HIVEP3: variants seen among roughly 807,000 people sequenced by gnomAD.
The protein encoded by HIVEP3 is HIVEP zinc finger 3, also known as transcription factor HIVEP3.
In HIVEP3, 49 loss-of-function variants were observed where a neutral mutation model predicts 152.8. That is an observed-to-expected ratio of 0.32 (90% CI 0.26 to 0.41). HIVEP3 has a LOEUF of 0.41. HIVEP3 is among the 10% of genes least tolerant of loss of function. The pLI is 1.00. For synonymous variants in HIVEP3, 1,269 were observed against 1,289.0 expected, an observed-to-expected ratio of 0.98 and a Z score of 0.33; for missense variants, 2,790 against 3,103.3, an observed-to-expected ratio of 0.90 and a Z score of 2.40.
At chr1:41,516,121 G>A (rs1255278927) in intron 7 of HIVEP3, among the ~76,000 whole-genome samples, 2 of 138,712 alleles carry the variant, frequency 1.4e-5, no homozygotes, top group Admixed American at 1.4e-4. Flanking sequence ...CCCAGCTCGG[G>A]GCTGGCCGGG....
intron 1 of HIVEP3, among the ~76,000 whole-genome samples, chr1:41,977,593 C>G (rs1460809146): frequency 6.6e-6 from 1 of 152,198 alleles, no homozygotes; most frequent in African/African-American, 2.4e-5. Flanking sequence ...CTAGGAAGTT[C>G]AGAAAATGTC....
chr1:41,617,320 A>G (rs1183300505), intron 3 of HIVEP3, among the ~76,000 whole-genome samples: 2 of 152,210 alleles, frequency 1.3e-5, no homozygotes, highest in African/African-American at 4.8e-5. Flanking sequence ...TGGTTAAAAT[A>G]CCTATGGGGC....
chr1:41,777,271 C>A (rs920630746), intron 1 of HIVEP3, among the ~76,000 whole-genome samples: 2 of 152,220 alleles, frequency 1.3e-5, no homozygotes, highest in African/African-American at 4.8e-5. Flanking sequence ...CCCGTGACTA[C>A]CCAGGAACAA....
chr1:41,952,252 C>G (rs1645112882), intron 1 of HIVEP3, among the ~76,000 whole-genome samples: 1 of 152,222 alleles, frequency 6.6e-6, no homozygotes, highest in African/African-American at 2.4e-5. Context: ...CTTCTCACTT[C>G]ATGAATTTCC....
At chr1:41,719,201 C>T (rs1646641674) in intron 1 of HIVEP3, among the ~76,000 whole-genome samples, 1 of 152,104 alleles carries the variant, frequency 6.6e-6, no homozygotes, top group African/African-American at 2.4e-5. Context: ...GAGGATTTGA[C>T]CATATAATTT....
chr1:41,973,439 T>C (rs147223118), intron 1 of HIVEP3, among the ~76,000 whole-genome samples: 37 of 152,322 alleles, frequency 2.4e-4, no homozygotes, highest in Middle Eastern at 3.4e-3. Context: ...TCAGCACTCA[T>C]AGGCTGTTGG....
intron 1 of HIVEP3, among the ~76,000 whole-genome samples, chr1:41,929,726 T>TATATATATATATATATATA (rs1553135852): frequency 0.029 from 3,274 of 112,166 alleles, 321 homozygotes; most frequent in African/African-American, 0.052. Context: ...ATATGTGTTT[T>TATATATATATATATATATA]TATATATATA....
At chr1:41,546,425 T>A (rs1483603126) in intron 5 of HIVEP3, among the ~76,000 whole-genome samples, 1 of 151,976 alleles carries the variant, frequency 6.6e-6, no homozygotes, top group Non-Finnish European at 1.5e-5. Flanking sequence ...CAGAGAAGGG[T>A]TCCCGAGACA....
At chr1:41,922,544 AT>A (rs1486614549), upstream of HIVEP3, among the ~76,000 whole-genome samples, 1 of 152,202 alleles carries the variant, frequency 6.6e-6, no homozygotes. Context: ...AGGAGAAGAT[AT>A]GTTATATAAA....
At chr1:41,728,601 C>A (rs1646792459) in intron 1 of HIVEP3, among the ~76,000 whole-genome samples, 1 of 152,230 alleles carries the variant, frequency 6.6e-6, no homozygotes, top group Admixed American at 6.5e-5. Flanking sequence ...TCTCAATCTA[C>A]AGCCCCACTG....
chr1:42,021,066 A>C (rs1252130750), intron 1 of HIVEP3, among the ~76,000 whole-genome samples: 2 of 152,218 alleles, frequency 1.3e-5, no homozygotes, highest in African/African-American at 4.8e-5. Context: ...GGGATATTAA[A>C]AATGTCATGG....
At chr1:41,792,972 C>T (rs759455779) in intron 1 of HIVEP3, among the ~76,000 whole-genome samples, 1 of 152,166 alleles carries the variant, frequency 6.6e-6, no homozygotes, top group Admixed American at 6.5e-5. Flanking sequence ...TTCAGGGGAT[C>T]CTGGATTCTG....
intron 1 of HIVEP3, among the ~76,000 whole-genome samples, chr1:42,028,786 T>G (rs1645596178): frequency 6.6e-6 from 1 of 152,212 alleles, no homozygotes; most frequent in South Asian, 2.1e-4. Flanking sequence ...TAACTTCTAC[T>G]AGGTGCCTCT....
chr1:42,030,673 G>A (rs932164918), intron 1 of HIVEP3, among the ~76,000 whole-genome samples: 3 of 152,136 alleles, frequency 2.0e-5, no homozygotes, highest in African/African-American at 7.2e-5. Flanking sequence ...TTCCTCCGGG[G>A]AGGCCCAAGC....
chr1:41,719,978 A>G lies in HIVEP3; in HGVS notation c.-800-18983T>C, dbSNP rs143912847. Among the ~76,000 whole-genome samples the G allele has an allele frequency of 2.6e-5, 4 of 152,320 alleles. No homozygotes were observed. In the East Asian group the frequency reaches 7.7e-4, roughly 29 times the overall value. On this transcript the variant is annotated intron_variant, in intron 1 of 8. Coordinates refer to ENST00000372583, the MANE Select transcript of HIVEP3 (RefSeq NM_024503.5). ...GTTGCACAGGCCAAGAACAGAAGCT[A>G]AGACGGAAGTGATTTATTCCCAGGT...
intron 1 of HIVEP3, among the ~76,000 whole-genome samples, chr1:41,948,925 T>C (rs1482848839): frequency 2.0e-5 from 3 of 152,254 alleles, no homozygotes; most frequent in African/African-American, 4.8e-5. Context: ...ACCTGAACAA[T>C]GGAACAACTT....
chr1:41,739,940 C>G (rs1164156179), intron 1 of HIVEP3, among the ~76,000 whole-genome samples: 1 of 152,232 alleles, frequency 6.6e-6, no homozygotes, highest in East Asian at 1.9e-4. Context: ...CACTGCCACC[C>G]TAGCACCCAG....
chr1:41,803,621 G>C (rs771700874), intron 1 of HIVEP3, among the ~76,000 whole-genome samples: 1 of 152,198 alleles, frequency 6.6e-6, no homozygotes, highest in Non-Finnish European at 1.5e-5. Flanking sequence ...CATGGTCCAA[G>C]AGCCACACTG....
At chr1:41,602,154 G>A (rs548859369) in intron 3 of HIVEP3, among the ~76,000 whole-genome samples, 1 of 151,812 alleles carries the variant, frequency 6.6e-6, no homozygotes, top group Admixed American at 6.6e-5. Flanking sequence ...CTAGTATTTT[G>A]TTGAGGATTT....
Sources: allele counts gnomAD v4.1 joint callset (sites outside exome capture counted in the v4.1 genomes callset), GRCh38; gene constraint gnomAD v4.1.1; transcripts MANE v1.5; gene names NCBI Gene and HGNC (gene_info 2026-07-23, HGNC 2026-07-21).